Variants in SVIL observed in about 807,000 individuals in gnomAD.
The protein encoded by SVIL is archvillin.
In SVIL, 101 loss-of-function variants were observed where a neutral mutation model predicts 240.4. The ratio of observed to expected loss-of-function variants is 0.42; its 90% CI spans 0.36 to 0.50. The LOEUF is 0.50. Among genes scored for constraint, SVIL ranks in the 20% least tolerant of loss-of-function variants. The pLI is 0.01. For synonymous variants in SVIL, 999 were observed against 1,100.0 expected (o/e 0.91, Z 1.82); for missense variants, 2,512 against 2,818.7 (o/e 0.89, Z 2.46).
Position 29,670,302 on chromosome 10 carries a change from G to A in SVIL, c.-300-12234C>T, listed in dbSNP as rs1039739650. 2.6e-5 allele frequency among the ~76,000 whole-genome samples: 4 copies of A among 152,144 alleles called. No individual in the cohort carries two copies. In the South Asian group the frequency reaches 8.3e-4, roughly 32 times the overall value. ...TAAGAAATGGATTTCTGTGAGAAGC[G>A]ATATATTCCATTAGAGAACTTTCCA... On this transcript the variant is annotated intron_variant, in intron 2 of 35. Coordinates refer to the SVIL transcript ENST00000375400.
chr10:29,517,707 G>A (rs577430901), intron 16 of SVIL, among the ~76,000 whole-genome samples: 2 of 152,196 alleles, frequency 1.3e-5, no homozygotes, highest in Admixed American at 1.3e-4. Flanking sequence ...GGTGGATTCT[G>A]CAACAGTTCA....
chr10:29,624,788 A>T lies in SVIL; in HGVS notation c.-201+9632T>A, dbSNP rs191848400. On this transcript the variant is annotated intron_variant, in intron 1 of 37. Coordinates refer to ENST00000355867, the MANE Select transcript of SVIL (RefSeq NM_021738.3). The stretch of plus-strand genomic sequence containing the variant: ...ACTCTCTCCTTTAAAATACCACGGT[A>T]ATTTGTTCTCCACATATCTTAGGGC... Among the ~76,000 whole-genome samples, 702 of 152,324 alleles carry T rather than the reference A, an allele frequency of 4.6e-3. 8 individuals are homozygous for T. Among genetic ancestry groups the T allele is most frequent in the African/African-American group, 0.016 (671 of 41,568 alleles).
intron 1 of SVIL, among the ~76,000 whole-genome samples, chr10:29,604,589 G>C (rs897873862): frequency 1.3e-5 from 2 of 151,548 alleles, no homozygotes; most frequent in Non-Finnish European, 2.9e-5. Context: ...TGGATTGATA[G>C]GGTCCTGCTC....
intron 1 of SVIL, among the ~76,000 whole-genome samples, chr10:29,708,257 C>CAAAAA (rs35982600): frequency 2.1e-4 from 13 of 62,704 alleles, no homozygotes; most frequent in African/African-American, 4.4e-4. Flanking sequence ...GACTCCATCT[C>CAAAAA]AAAAAAAAAA....
intron 1 of SVIL, among the ~76,000 whole-genome samples, chr10:29,695,956 C>CCGTCTCCCTCTCCCTCTCA (rs1961943196): frequency 8.1e-6 from 1 of 122,836 alleles, no homozygotes; most frequent in African/African-American, 3.1e-5. Flanking sequence ...TCTCCCTCTC[C>CCGTCTCCCTCTCCCTCTCA]CGTCTCCCTC....
rs139324089 is a variant in SVIL, at chr10:29,463,696, C to T, written c.6134-61G>A. 1,044 of 1,579,110 alleles carry T rather than the reference C, an allele frequency of 6.6e-4. 6 individuals carry two copies. The African/African-American group carries it at 0.012, about 18-fold the overall frequency. On this transcript the variant is annotated intron_variant, in intron 34 of 37. Transcript: ENST00000355867. ...CTCCTTCACGGACACTTCTAGCTCA[C>T]TCCTCCCCCAACCTAGTGGATGTTG...
intron 3 of SVIL, among the ~76,000 whole-genome samples, chr10:29,650,649 C>A (rs1295995065): frequency 2.0e-5 from 3 of 151,416 alleles, no homozygotes; most frequent in Non-Finnish European, 4.4e-5. Context: ...ACTTTCACTA[C>A]AAAAAAAAGC....
intron 1 of SVIL, among the ~76,000 whole-genome samples, chr10:29,622,292 G>GAAGGTC (rs1225922787): frequency 2.8e-5 from 4 of 142,550 alleles, no homozygotes; most frequent in Admixed American, 7.0e-5. Flanking sequence ...TGGAAACACT[G>GAAGGTC]AAGGTCAATC....
At chr10:29,681,855 G>C (rs1365495188) in intron 2 of SVIL, among the ~76,000 whole-genome samples, 1 of 152,124 alleles carries the variant, frequency 6.6e-6, no homozygotes, top group Non-Finnish European at 1.5e-5. Context: ...AACAGATGCA[G>C]GGCTTCTTAC....
chr10:29,523,184 A>C (rs75537421), intron 15 of SVIL, among the ~76,000 whole-genome samples: 5,780 of 152,258 alleles, frequency 0.038, 124 homozygotes, highest in Middle Eastern at 0.054. Flanking sequence ...AGAACTAAGC[A>C]GCTCAGAAGG....
At chr10:29,687,150 G>A (rs1198374760) in intron 1 of SVIL, among the ~76,000 whole-genome samples, 1 of 152,152 alleles carries the variant, frequency 6.6e-6, no homozygotes, top group African/African-American at 2.4e-5. Flanking sequence ...CATGCCAATT[G>A]TAATTTTATG....
intron 32 of SVIL, among the ~76,000 whole-genome samples, chr10:29,469,364 G>C (rs1369391346): frequency 6.6e-6 from 1 of 152,174 alleles, no homozygotes; most frequent in Non-Finnish European, 1.5e-5. Flanking sequence ...AGTGGACACA[G>C]GGGCCCTGGC....
Position 29,471,159 on chromosome 10 carries a change from C to G in SVIL, c.5614G>C (p.Glu1872Gln). Residue 1872 changes from glutamate (E) to glutamine (Q), a missense_variant, in exon 31 of 38, where the codon GAG becomes CAG. Glu to Gln is a conservative substitution (Grantham distance 29). Coordinates refer to ENST00000355867, the MANE Select transcript of SVIL (RefSeq NM_021738.3). ...GMVVHSGRRE[E>Q]EEENVQSEWR... ...TTACTTTGCACATTTTCTTCTTCCT[C>G]TTCCCGCCTCCCCGAGTGCACCACC... 1 of 1,613,800 alleles carries G rather than the reference C, an allele frequency of 6.2e-7. No individual in the cohort carries two copies. Among genetic ancestry groups the G allele is most frequent in the Non-Finnish European group, 8.5e-7 (1 of 1,179,932 alleles).
chr10:29,662,458 T>C (rs1288658652), intron 2 of SVIL, among the ~76,000 whole-genome samples: 1 of 152,062 alleles, frequency 6.6e-6, no homozygotes, highest in Admixed American at 6.5e-5. Flanking sequence ...AAAAAGTAAA[T>C]AAATAAAATG....
rs552502939 is a variant in SVIL at position 29,715,461 on chromosome 10, A to G, written c.-400+20290T>C. On this transcript the variant is annotated intron_variant, in intron 1 of 35. Coordinates refer to the SVIL transcript ENST00000375400. ...TGAGAATGCTACCTCTGCCGACAAC[A>G]TTCCCATCCAACTAAGATCAAGCCA... Among the ~76,000 whole-genome samples the G allele has an allele frequency of 2.1e-3, 321 of 152,326 alleles. 2 individuals are homozygous for G. The highest frequency in any genetic ancestry group is 7.2e-3 in the African/African-American group (298 of 41,582).
intron 17 of SVIL, among the ~76,000 whole-genome samples, chr10:29,509,054 T>C (rs79537482): frequency 0.012 from 1,813 of 152,324 alleles, 50 homozygotes; most frequent in African/African-American, 0.042. Flanking sequence ...CTTTGCTTCG[T>C]TTGATTTCTC....
At chr10:29,502,801 C>A (rs1007877667) in intron 17 of SVIL, among the ~76,000 whole-genome samples, 1 of 152,116 alleles carries the variant, frequency 6.6e-6, no homozygotes, top group African/African-American at 2.4e-5. Context: ...AAGGACAAAT[C>A]AGCACGAATA....
At chr10:29,506,719 GACTCTACGAA>G (rs1564535326) in intron 17 of SVIL, among the ~76,000 whole-genome samples, 2 of 113,064 alleles carry the variant, frequency 1.8e-5, no homozygotes, top group African/African-American at 6.0e-5. Flanking sequence ...AGGGGATAGA[GACTCTACGAA>G]GGAGGGGACA....
intron 8 of SVIL, 23 bp from the exon 9 acceptor site, chr10:29,532,195 A>G: frequency 6.2e-7 from 1 of 1,603,526 alleles, no homozygotes; most frequent in South Asian, 1.1e-5. Context: ...AAGGGCAGAG[A>G]GTATAAGGAA....
Sources: gnomAD v4.1 joint callset for allele counts (sites outside exome capture counted in the v4.1 genomes callset) on GRCh38, gnomAD v4.1.1 for gene constraint, MANE v1.5 for transcripts, NCBI Gene and HGNC (gene_info 2026-07-23, HGNC 2026-07-21) for gene names.